Variants in ADGRL3 observed in about 807,000 individuals in gnomAD.
ADGRL3 encodes calcium-independent alpha-latrotoxin receptor 3.
ADGRL3 carries 62 observed loss-of-function variants against 153.5 expected under a neutral mutation model. The ratio of observed to expected loss-of-function variants is 0.40; its 90% CI spans 0.33 to 0.50. The LOEUF (loss-of-function observed/expected upper bound fraction) is 0.50. Among genes scored for constraint, ADGRL3 ranks in the 20% least tolerant of loss-of-function variants. The pLI is 0.47. For missense variants in ADGRL3, 1,641 were observed against 1,859.4 expected, an observed-to-expected ratio of 0.88 and a Z score of 2.16; for synonymous variants, 710 against 672.5, an observed-to-expected ratio of 1.06 and a Z score of -0.86.
chr4:61,348,011 A>G (rs1462313085), intron 1 of ADGRL3, among the ~76,000 whole-genome samples: 2 of 152,140 alleles, frequency 1.3e-5, no homozygotes, highest in African/African-American at 4.8e-5. Context: ...AAAGGCAGAC[A>G]AGGTGACTTG....
At chr4:61,665,493 A>G (rs1337947884) in intron 5 of ADGRL3, among the ~76,000 whole-genome samples, 1 of 152,130 alleles carries the variant, frequency 6.6e-6, no homozygotes, top group Non-Finnish European at 1.5e-5. Context: ...TCTCCAAGTA[A>G]TACCTGGAAA....
chr4:61,635,892 T>C (rs1299655868), intron 5 of ADGRL3, among the ~76,000 whole-genome samples: 1 of 152,100 alleles, frequency 6.6e-6, no homozygotes, highest in Non-Finnish European at 1.5e-5. Flanking sequence ...AGGACACCAA[T>C]TGTATTGGAC....
intron 1 of ADGRL3, among the ~76,000 whole-genome samples, chr4:61,253,242 T>C (rs2149465973): frequency 6.6e-6 from 1 of 152,348 alleles, no homozygotes; most frequent in Admixed American, 6.5e-5. Context: ...GTTATGTTAA[T>C]GATTCTGACT....
chr4:61,992,656 T>G (rs911264784), intron 19 of ADGRL3, among the ~76,000 whole-genome samples: 1 of 152,206 alleles, frequency 6.6e-6, no homozygotes, highest in African/African-American at 2.4e-5. Flanking sequence ...GTATTTTATA[T>G]TGCCTCTTTC....
intron 1 of ADGRL3, among the ~76,000 whole-genome samples, chr4:61,373,153 G>A (rs535757988): frequency 1.1e-3 from 174 of 152,202 alleles, no homozygotes; most frequent in African/African-American, 4.0e-3. Context: ...AGATGAACCC[G>A]GTACCTCAGA....
chr4:61,747,031 T>C (rs956127471), intron 8 of ADGRL3, among the ~76,000 whole-genome samples: 9 of 152,132 alleles, frequency 5.9e-5, no homozygotes, highest in Non-Finnish European at 1.0e-4. Context: ...GGGATATCAC[T>C]GCCGATCTCA....
At chr4:61,566,501 G>A (rs2098816817) in intron 4 of ADGRL3, among the ~76,000 whole-genome samples, 2 of 152,042 alleles carry the variant, frequency 1.3e-5, no homozygotes, top group African/African-American at 4.8e-5. Flanking sequence ...GAATGATCTG[G>A]AAAATTTTTT....
At chr4:61,306,299 C>T (rs968000032) in intron 1 of ADGRL3, among the ~76,000 whole-genome samples, 4 of 151,900 alleles carry the variant, frequency 2.6e-5, no homozygotes, top group Admixed American at 6.6e-5. Flanking sequence ...GGGGTTTCAC[C>T]GTGTTAGCCA....
At chr4:61,251,463 C>A (rs554120315) in intron 1 of ADGRL3, among the ~76,000 whole-genome samples, 17 of 152,298 alleles carry the variant, frequency 1.1e-4, no homozygotes, top group African/African-American at 3.6e-4. Flanking sequence ...CATGGCATCA[C>A]TTTTGCCACA....
intron 6 of ADGRL3, among the ~76,000 whole-genome samples, chr4:61,697,555 T>TAAAAA (rs34106020): frequency 7.0e-6 from 1 of 142,906 alleles, no homozygotes; most frequent in Non-Finnish European, 1.5e-5. Context: ...GTGAAACTCC[T>TAAAAA]AAAAAAAAAA....
Position 62,077,988 on chromosome 4 carries a change from C to G in ADGRL3, c.*7080C>G, listed in dbSNP as rs1011350804. ...TTGGAAGTGGATGGATAACTTGGAA[C>G]TTTTTCCATACTGTTTTCCCCCTCA... On this transcript the variant is annotated 3_prime_UTR_variant, in exon 27 of 27. Transcript: ENST00000683033. The G allele has an allele frequency of 6.6e-6, 1 of 151,934 alleles. No homozygotes were observed. The highest frequency in any genetic ancestry group is 2.4e-5 in the African/African-American group (1 of 41,416). The allele number at this position is 151,934 out of a possible 1,614,324, so 9.4% of individuals were successfully genotyped here.
intron 5 of ADGRL3, among the ~76,000 whole-genome samples, chr4:61,670,872 CAT>C (rs2094967613): frequency 6.6e-6 from 1 of 152,286 alleles, no homozygotes; most frequent in East Asian, 1.9e-4. Flanking sequence ...TCACAATGCT[CAT>C]AGAATTATAA....
intron 1 of ADGRL3, among the ~76,000 whole-genome samples, chr4:61,364,816 GT>G (rs1274805400): frequency 1.3e-5 from 2 of 152,176 alleles, no homozygotes; most frequent in African/African-American, 4.8e-5. Context: ...TTACTGTAAT[GT>G]TGTTTGTGGA....
intron 5 of ADGRL3, among the ~76,000 whole-genome samples, chr4:61,659,226 A>C (rs186629260): frequency 6.6e-6 from 1 of 152,274 alleles, no homozygotes; most frequent in African/African-American, 2.4e-5. Context: ...TTACATCTGC[A>C]ACAAGTTTAT....
At chr4:61,248,647 A>C (rs1418590177) in intron 1 of ADGRL3, among the ~76,000 whole-genome samples, 1 of 152,156 alleles carries the variant, frequency 6.6e-6, no homozygotes, top group East Asian at 1.9e-4. Context: ...TGTCTAAAAT[A>C]CTCTTTATTC....
At chr4:61,416,508 A>T (rs2097146487) in intron 2 of ADGRL3, among the ~76,000 whole-genome samples, 1 of 152,214 alleles carries the variant, frequency 6.6e-6, no homozygotes, top group Admixed American at 6.5e-5. Context: ...AAACTCAGCT[A>T]GTATATGTAG....
At chr4:61,245,336 A>G (rs1756628955) in intron 1 of ADGRL3, among the ~76,000 whole-genome samples, 1 of 152,094 alleles carries the variant, frequency 6.6e-6, no homozygotes, top group Non-Finnish European at 1.5e-5. Context: ...TGCATGTGCT[A>G]TTCTTTTCCT....
At chr4:61,668,564 G>T (rs2094882654) in intron 5 of ADGRL3, among the ~76,000 whole-genome samples, 1 of 152,120 alleles carries the variant, frequency 6.6e-6, no homozygotes, top group Non-Finnish European at 1.5e-5. Context: ...GTAAAGGAAT[G>T]TTATTGAAGT....
rs538483891 is a variant in ADGRL3, at chr4:62,072,205, T to A, written c.*1297T>A. 20 of 152,614 alleles carry A rather than the reference T, an allele frequency of 1.3e-4. No individual in the cohort carries two copies. The highest frequency in any genetic ancestry group is 1.3e-3 in the Admixed American group (20 of 15,276). 9.5% of individuals were successfully genotyped at this position (152,614 alleles called of 1,614,324 possible). A position where few individuals can be genotyped will look rare whatever the true frequency, so the allele number is the denominator to read the frequency against. On this transcript the variant is annotated 3_prime_UTR_variant, in exon 27 of 27. Transcript: ENST00000683033. Reference sequence around the variant, plus strand: ...CCTCGTAAGCATTGGAAGGTCAAATTATTTTGAAGTGATTTTTTTAAAAAA... The same window carrying A: ...CCTCGTAAGCATTGGAAGGTCAAATAATTTTGAAGTGATTTTTTTAAAAAA...
Sources: gnomAD v4.1 joint callset for allele counts (sites outside exome capture counted in the v4.1 genomes callset) on GRCh38, gnomAD v4.1.1 for gene constraint, MANE v1.5 for transcripts, NCBI Gene and HGNC (gene_info 2026-07-23, HGNC 2026-07-21) for gene names.